Variants in SYT1 observed in about 807,000 individuals in gnomAD.
SYT1 encodes the protein synaptotagmin-1.
SYT1 carries 8 observed loss-of-function variants against 44.8 expected under a neutral mutation model. That is an observed-to-expected ratio of 0.18 (90% CI 0.10 to 0.32). SYT1 has a LOEUF of 0.32. Ranked by LOEUF, SYT1 falls within the 10% of genes least tolerant of loss-of-function variation. The probability of loss-of-function intolerance (pLI) is 1.00; values close to 1 mark genes in which losing one functional copy is unlikely to be tolerated. For missense variants in SYT1, 286 were observed against 509.3 expected (o/e 0.56, Z 4.22); for synonymous variants, 154 against 188.8 (o/e 0.82, Z 1.51).
At chr12:78,977,022 A>G (rs1868889005) in intron 1 of SYT1, among the ~76,000 whole-genome samples, 1 of 152,156 alleles carries the variant, frequency 6.6e-6, no homozygotes, top group Admixed American at 6.6e-5. Context: ...TTTTATATCA[A>G]AAAAGTAGAT....
intron 3 of SYT1, among the ~76,000 whole-genome samples, chr12:79,176,036 A>C (rs1871842284): frequency 6.6e-6 from 1 of 152,056 alleles, no homozygotes; most frequent in Non-Finnish European, 1.5e-5. Context: ...CACACCTGTA[A>C]TCCCAGCACT....
chr12:79,083,529 G>A (rs1017262292), intron 3 of SYT1, among the ~76,000 whole-genome samples: 4 of 151,952 alleles, frequency 2.6e-5, no homozygotes, highest in African/African-American at 9.7e-5. Context: ...AATAGTATTG[G>A]CTGAAAAATA....
intron 1 of SYT1, among the ~76,000 whole-genome samples, chr12:78,920,292 C>T (rs1876906234): frequency 6.6e-6 from 1 of 151,722 alleles, no homozygotes; most frequent in South Asian, 2.1e-4. Flanking sequence ...AGATGTTTTA[C>T]AAGATAAGAA....
At chr12:79,225,256 A>G (rs1050051917) in intron 4 of SYT1, among the ~76,000 whole-genome samples, 3 of 152,208 alleles carry the variant, frequency 2.0e-5, no homozygotes, top group Non-Finnish European at 2.9e-5. Context: ...AATGAAGCAT[A>G]CAAGGAATCA....
chr12:79,161,414 A>G (rs1241661058), intron 3 of SYT1, among the ~76,000 whole-genome samples: 1 of 152,164 alleles, frequency 6.6e-6, no homozygotes, highest in Non-Finnish European at 1.5e-5. Flanking sequence ...CTAGCAGTGT[A>G]AAAGGCCATA....
intron 3 of SYT1, among the ~76,000 whole-genome samples, chr12:79,117,328 G>A (rs1879329025): frequency 1.3e-5 from 2 of 151,780 alleles, no homozygotes; most frequent in African/African-American, 2.4e-5. Flanking sequence ...TTATCCATGC[G>A]GACCCACAAT....
At chr12:78,919,984 A>G (rs1426780906) in intron 1 of SYT1, among the ~76,000 whole-genome samples, 2 of 151,528 alleles carry the variant, frequency 1.3e-5, no homozygotes, top group Non-Finnish European at 2.9e-5. Flanking sequence ...CTCAGACACC[A>G]TATATTAGTA....
chr12:79,307,132 A>G (rs58347634), intron 8 of SYT1, among the ~76,000 whole-genome samples: 1,616 of 152,324 alleles, frequency 0.011, 31 homozygotes, highest in African/African-American at 0.037. Flanking sequence ...TTTGTGCTGT[A>G]AAATCTTTAA....
chr12:79,129,852 C>G (rs1166871173), intron 3 of SYT1, among the ~76,000 whole-genome samples: 1 of 151,990 alleles, frequency 6.6e-6, no homozygotes, highest in Non-Finnish European at 1.5e-5. Context: ...CATAGTGCTT[C>G]CATGGAATGT....
At chr12:79,124,678 G>T (rs972942568) in intron 3 of SYT1, among the ~76,000 whole-genome samples, 5 of 151,854 alleles carry the variant, frequency 3.3e-5, no homozygotes, top group African/African-American at 7.3e-5. Flanking sequence ...GATTCTTTGG[G>T]AGAAAAATGG....
intron 1 of SYT1, among the ~76,000 whole-genome samples, chr12:78,916,248 T>C (rs1876647989): frequency 6.6e-6 from 1 of 152,080 alleles, no homozygotes; most frequent in Non-Finnish European, 1.5e-5. Context: ...TTTAACTTTA[T>C]TGAAATGTCT....
chr12:79,195,749 T>A (rs970531240), intron 3 of SYT1, among the ~76,000 whole-genome samples: 1 of 152,202 alleles, frequency 6.6e-6, no homozygotes, highest in Non-Finnish European at 1.5e-5. Flanking sequence ...CATCACATGA[T>A]CTGCCTTTCT....
At chr12:79,410,013 G>A (rs1357714073) in intron 9 of SYT1, among the ~76,000 whole-genome samples, 1 of 151,784 alleles carries the variant, frequency 6.6e-6, no homozygotes, top group African/African-American at 2.4e-5. Context: ...TTCTTTTATT[G>A]CTCATATCTT....
chr12:78,981,672 T>A (rs2079066758), intron 2 of SYT1, among the ~76,000 whole-genome samples: 1 of 152,172 alleles, frequency 6.6e-6, no homozygotes, highest in Non-Finnish European at 1.5e-5. Flanking sequence ...TTTGTTTCTT[T>A]CTGAAAATTC....
At chr12:79,377,813 G>A (rs934742041) in intron 9 of SYT1, among the ~76,000 whole-genome samples, 2 of 152,206 alleles carry the variant, frequency 1.3e-5, no homozygotes, top group African/African-American at 4.8e-5. Flanking sequence ...TCCAGGTTCA[G>A]GAAGAGAGGA....
At chr12:79,279,839 A>G (rs761995881) in intron 4 of SYT1, among the ~76,000 whole-genome samples, 52 of 152,092 alleles carry the variant, frequency 3.4e-4, no homozygotes, top group Non-Finnish European at 1.6e-4. Flanking sequence ...CCACTGCTAT[A>G]TGCCAATAAT....
At chr12:78,969,599 G>A (rs1021680332) in intron 1 of SYT1, among the ~76,000 whole-genome samples, 4 of 152,172 alleles carry the variant, frequency 2.6e-5, no homozygotes, top group Admixed American at 1.3e-4. Flanking sequence ...GGGATTGGAA[G>A]GAGTAGCTTG....
chr12:79,007,249 CCCT>C (rs776760303), intron 2 of SYT1, among the ~76,000 whole-genome samples: 1 of 152,078 alleles, frequency 6.6e-6, no homozygotes, highest in Non-Finnish European at 1.5e-5. Context: ...TTTATCAAGT[CCCT>C]CCTCCTCTGT....
At chr12:79,331,397 T>C (rs1881848942) in intron 8 of SYT1, among the ~76,000 whole-genome samples, 1 of 152,156 alleles carries the variant, frequency 6.6e-6, no homozygotes, top group Non-Finnish European at 1.5e-5. Context: ...CCTAAAGGCT[T>C]TTTTCAGATA....
Sources: allele counts gnomAD v4.1 joint callset (sites outside exome capture counted in the v4.1 genomes callset), GRCh38; gene constraint gnomAD v4.1.1; transcripts MANE v1.5; gene names NCBI Gene and HGNC (gene_info 2026-07-23, HGNC 2026-07-21).